Variants in BDP1 observed in about 807,000 individuals in gnomAD.
BDP1 encodes the protein transcription factor TFIIIB component B'' homolog.
Under a neutral mutation model 266.6 loss-of-function variants are expected in BDP1, and 169 were observed. The ratio of observed to expected loss-of-function variants is 0.63; its 90% CI spans 0.56 to 0.72. The LOEUF (loss-of-function observed/expected upper bound fraction) is 0.72, where lower values mean the gene tolerates loss of function less well. Ranked by LOEUF, BDP1 falls within the 30% of genes least tolerant of loss-of-function variation. BDP1 has a pLI of 0.00. For missense variants in BDP1, 3,015 were observed against 3,053.8 expected, an observed-to-expected ratio of 0.99 and a Z score of 0.30; for synonymous variants, 1,090 against 1,022.4, an observed-to-expected ratio of 1.07 and a Z score of -1.26.
At position 71,539,200 on chromosome 5, in the gene BDP1, A is replaced by G. The variant is rs1270638584; in HGVS notation, c.5929+122A>G. 1.1e-5 allele frequency: 7 copies of G among 662,548 alleles called. 1 individual carries two copies. Among genetic ancestry groups the G allele is most frequent in the African/African-American group, 1.9e-5 (1 of 53,638 alleles). The allele number at this position is 662,548 out of a possible 1,614,324, so 41.0% of individuals were successfully genotyped here. On this transcript the variant is annotated intron_variant, in intron 27 of 38. Coordinates refer to ENST00000358731, the MANE Select transcript of BDP1 (RefSeq NM_018429.3). ...TTTAACAAAAAGATTCAGCTATTGA[A>G]TGTGTTGTCTCTGTGAGAAATGTGG...
chr5:71,560,184 TAA>T lies in BDP1; in HGVS notation c.7444_7445del (p.Lys2482ValfsTer6), dbSNP rs748154046. 3.1e-6 allele frequency: 5 copies of T among 1,614,174 alleles called. No individual in the cohort carries two copies. The highest frequency in any genetic ancestry group is 1.7e-6 in the Non-Finnish European group (2 of 1,180,020). On this transcript the variant is annotated frameshift_variant, in exon 37 of 39. Transcript: ENST00000358731. LOFTEE classifies it high-confidence loss of function. The stretch of plus-strand genomic sequence containing the variant: ...AGGAAGAAAGAACTGATGCTGCTCC[TAA>T]GTCTCAGCAAATGGATAGCAGAACA... The part of the protein sequence containing the change: ...DKEERTDAAP[K>X]SQQMDSRTSS...
Position 71,566,318 on chromosome 5 carries a change from A to T in BDP1, c.*1433A>T, listed in dbSNP as rs1744031980. On this transcript the variant is annotated 3_prime_UTR_variant, in exon 39 of 39. Transcript: ENST00000358731. Reference sequence around the variant, plus strand: ...ATTCTCAAGGAACACTTGGATCTTTAAGCACGGAACATAATCATGATGTTA... The same window carrying T: ...ATTCTCAAGGAACACTTGGATCTTTTAGCACGGAACATAATCATGATGTTA... 1 of 152,576 alleles carries T rather than the reference A, an allele frequency of 6.6e-6. No homozygotes were observed. Among genetic ancestry groups the T allele is most frequent in the Non-Finnish European group, 1.5e-5 (1 of 68,058 alleles). 9.5% of individuals were successfully genotyped at this position (152,576 alleles called of 1,614,324 possible).
intron 32 of BDP1, 142 bp from the exon 33 acceptor site, chr5:71,548,540 G>C: frequency 1.7e-6 from 1 of 598,058 alleles, no homozygotes; most frequent in Admixed American, 3.0e-5. Flanking sequence ...TATTGGAACA[G>C]CCTAAAGCTT....
Position 71,458,809 on chromosome 5 carries a change from C to T in BDP1, c.443C>T (p.Ala148Val). 6.2e-7 allele frequency: 1 copy of T among 1,613,008 alleles called. No homozygotes were observed. Among genetic ancestry groups the T allele is most frequent in the Non-Finnish European group, 8.5e-7 (1 of 1,179,804 alleles). The change falls in exon 2 of 39, where the codon GCC (alanine) becomes GTC (valine). Residue 148 changes from alanine to valine, a missense_variant. Physicochemically the swap from Ala to Val is moderately conservative, Grantham distance 64. Transcript: ENST00000358731. ...PCSDRYRIYK[A>V]QKLREMLKEE... ...TCAGACAGATACCGAATATACAAAG[C>T]CCAGAAACTGAGGGAAATGTTAAAA...
chr5:71,471,485 T>A (rs1762251698), intron 7 of BDP1, among the ~76,000 whole-genome samples: 1 of 152,144 alleles, frequency 6.6e-6, no homozygotes, highest in Non-Finnish European at 1.5e-5. Context: ...CAGAATTTCC[T>A]AGGAAAGCTT....
Position 71,495,325 on chromosome 5 carries a change from T to C in BDP1, c.1716T>C (p.Val572=). ...CTTCAGATTTGCCTTCATTCGAAGTTGGAATTAGAGCATTGTGTGAGGTGA... is the reference window on the plus strand; with the variant it reads ...CTTCAGATTTGCCTTCATTCGAAGTCGGAATTAGAGCATTGTGTGAGGTGA... ...SSTSDLPSFE[V]GIRALCEVNN... The change falls in exon 12 of 39, where the codon GTT becomes GTC. Residue 572 remains valine (V), a synonymous_variant. Coordinates refer to ENST00000358731, the MANE Select transcript of BDP1 (RefSeq NM_018429.3). 1 of 1,608,102 alleles carries C rather than the reference T, an allele frequency of 6.2e-7. No homozygotes were observed. The highest frequency in any genetic ancestry group is 8.5e-7 in the Non-Finnish European group (1 of 1,176,544).
At chr5:71,473,262 ATTTTTTTTTTTTTTT>A (rs869174435) in intron 7 of BDP1, among the ~76,000 whole-genome samples, 8 of 59,962 alleles carry the variant, frequency 1.3e-4, no homozygotes, top group African/African-American at 1.4e-4. Flanking sequence ...TCTTAATGTA[ATTTTTTTTTTTTTTT>A]TTTTTTTTTT....
chr5:71,572,301 C>CCCCTTTGTT (rs370941832), downstream of BDP1, among the ~76,000 whole-genome samples: 1,885 of 152,274 alleles, frequency 0.012, 50 homozygotes, highest in African/African-American at 0.043. Context: ...CGCATTCATC[C>CCCCTTTGTT]CCCTTTGTTC....
chr5:71,498,163 G>A (rs758311522), intron 13 of BDP1, among the ~76,000 whole-genome samples: 18 of 152,116 alleles, frequency 1.2e-4, no homozygotes, highest in Non-Finnish European at 2.6e-4. Flanking sequence ...CGTTAGCCAG[G>A]ATGGTCTCTG....
chr5:71,490,812 A>G (rs1763539639), intron 10 of BDP1, among the ~76,000 whole-genome samples, 172 bp from the exon 11 acceptor site: 2 of 152,216 alleles, frequency 1.3e-5, no homozygotes, highest in African/African-American at 2.4e-5. Context: ...TGATCCTCAT[A>G]TATGTTAAGT....
At chr5:71,545,475 G>A in intron 32 of BDP1, 1 of 454,542 alleles carries the variant, frequency 2.2e-6, no homozygotes, top group Non-Finnish European at 3.8e-6. Context: ...GGGACTACAG[G>A]CATGTGTCAC....
intron 12 of BDP1, among the ~76,000 whole-genome samples, chr5:71,495,851 AC>A (rs1287693593): frequency 6.6e-6 from 1 of 152,178 alleles, no homozygotes; most frequent in African/African-American, 2.4e-5. Context: ...ACGATTAAAA[AC>A]ATCATAAAAA....
At chr5:71,537,241 C>T (rs1299574728) in intron 26 of BDP1, among the ~76,000 whole-genome samples, 2 of 149,576 alleles carry the variant, frequency 1.3e-5, no homozygotes, top group South Asian at 2.1e-4. Flanking sequence ...AGGACTGTGA[C>T]TCCATATTGC....
In BDP1 at chr5:71,489,696, A is replaced by T; in HGVS notation, c.1492+14A>T. The T allele has an allele frequency of 6.3e-7, 1 of 1,584,250 alleles. No homozygotes were observed. Among genetic ancestry groups the T allele is most frequent in the Middle Eastern group, 1.7e-4 (1 of 5,850 alleles). ...AAAAACACAAGAGTAAGTTTCTTAC[A>T]TATTTAAAAAGCCTCTATATTACTT... On this transcript the variant is annotated intron_variant, in intron 10 of 38. Coordinates refer to ENST00000358731, the MANE Select transcript of BDP1 (RefSeq NM_018429.3).
At chr5:71,524,407 C>G in intron 25 of BDP1, 84 bp downstream of exon 25, 2 of 1,331,986 alleles carry the variant, frequency 1.5e-6, no homozygotes, top group Non-Finnish European at 1.0e-6. Flanking sequence ...TATTTCTTCT[C>G]GTAGTGATTA....
chr5:71,498,417 T>C (rs1764023833), intron 13 of BDP1, among the ~76,000 whole-genome samples: 1 of 151,754 alleles, frequency 6.6e-6, no homozygotes, highest in Non-Finnish European at 1.5e-5. Flanking sequence ...TTATTCTTTT[T>C]CTTTCTTTAT....
chr5:71,523,944 C>T lies in BDP1; in HGVS notation c.5393C>T (p.Pro1798Leu). ...TGTTTTGATTAAATATCTAGCTGTC[C>T]ACAACCGTTAAACGAAACAAGTTAC... ...EQYLNKLTSCPQPLNETSYSK... is the reference protein window; with the variant it reads ...EQYLNKLTSCLQPLNETSYSK... Residue 1798 changes from proline (P) to leucine (L), a missense_variant, in exon 25 of 39, where the codon CCA becomes CTA. Around this residue, in one of 3 missense-constraint regions of BDP1, gnomAD observed 2,383 missense variants for 2,404.9 expected, o/e 0.99. Transcript: ENST00000358731. 6.2e-7 allele frequency: 1 copy of T among 1,611,276 alleles called. No homozygotes were observed. Among genetic ancestry groups the T allele is most frequent in the Admixed American group, 1.7e-5 (1 of 59,690 alleles).
rs1762171946 is a variant in BDP1 at position 71,470,477 on chromosome 5, G to T, written c.1002G>T (p.Arg334Ser). 4 of 1,608,078 alleles carry T rather than the reference G, an allele frequency of 2.5e-6. No homozygotes were observed. The highest frequency in any genetic ancestry group is 3.4e-6 in the Non-Finnish European group (4 of 1,175,736). Residue 334 changes from arginine to serine, a missense_variant, in exon 7 of 39, where the codon AGG (arginine) becomes AGT (serine). This residue lies in a region of BDP1 where 2,383 missense variants were observed against 2,404.9 expected (regional missense o/e 0.99). Coordinates refer to ENST00000358731, the MANE Select transcript of BDP1 (RefSeq NM_018429.3). ...GACAACTTTTTCCTCACAGAGCAAG[G>T]ATAGAAATTAAGGTAAAGTAAACCC... Reference protein sequence around the residue: ...MIGQLFPHRARIEIKNKFKRE... With the variant: ...MIGQLFPHRASIEIKNKFKRE...
In BDP1 at chr5:71,545,042, C is replaced by T. The variant is rs370766736; in HGVS notation, c.6567C>T (p.Asn2189=). ...ISSEVNLTER[N]ENQEESSQEV... is the part of the protein sequence containing the mutation. ...TGCATGCTAAACTCTCTTTCAGAAA[C>T]GAAAATCAAGAAGAGAGCTCTCAGG... The change falls in exon 32 of 39, where the codon AAC becomes AAT. Residue 2189 remains asparagine (N), a synonymous_variant. Coordinates refer to ENST00000358731, the MANE Select transcript of BDP1 (RefSeq NM_018429.3). 33 of 1,612,254 alleles carry T rather than the reference C, an allele frequency of 2.0e-5. No homozygotes were observed. Among genetic ancestry groups the T allele is most frequent in the Non-Finnish European group, 2.4e-5 (28 of 1,179,592 alleles).
Sources: allele counts gnomAD v4.1 joint callset (sites outside exome capture counted in the v4.1 genomes callset), GRCh38; gene constraint gnomAD v4.1.1; regional missense constraint gnomAD v4.1.1; transcripts MANE v1.5; gene names NCBI Gene and HGNC (gene_info 2026-07-23, HGNC 2026-07-21).